SPDYE6: variants seen among roughly 807,000 people sequenced by gnomAD.
SPDYE6 encodes the protein speedy/RINGO cell cycle regulator family member E6.
For synonymous variants in SPDYE6, 2 were observed against 103.0 expected (o/e 0.02, Z 5.94); for missense variants, 8 against 297.9 (o/e 0.03, Z 7.16).
intron 3 of SPDYE6, among the ~76,000 whole-genome samples, chr7:102,352,642 T>A: frequency 8.0e-6 from 1 of 124,846 alleles, no homozygotes; most frequent in Non-Finnish European, 1.8e-5. Context: ...GACAGAGTCT[T>A]GCTCTGTGGG....
Position 102,350,827 on chromosome 7 carries a change from A to G in SPDYE6, c.670-14T>C. ...AGCCAGGAGATACTGATGGAGAGAAAGGAACACAGAGAGGGAGAGGTCACA... is the reference window on the plus strand; with the variant it reads ...AGCCAGGAGATACTGATGGAGAGAAGGGAACACAGAGAGGGAGAGGTCACA... On this transcript the variant is annotated splice_polypyrimidine_tract_variant and intron_variant, in intron 4 of 7. Coordinates refer to ENST00000563237, the MANE Select transcript of SPDYE6 (RefSeq NM_001146210.4). 1.4e-6 allele frequency: 2 copies of G among 1,389,410 alleles called. 1 individual carries two copies. Among genetic ancestry groups the G allele is most frequent in the Non-Finnish European group, 1.9e-6 (2 of 1,034,632 alleles). 86.1% of individuals were successfully genotyped at this position (1,389,410 alleles called of 1,614,324 possible).
rs1554562034 is a variant in SPDYE6, at chr7:102,346,240, TAATATTTAAATAAATAAATATATTTAATA to T, written c.*998_*1026del. 3.7e-5 allele frequency among the ~76,000 whole-genome samples: 5 copies of T among 135,870 alleles called. No homozygotes were observed. In the South Asian group the frequency reaches 7.4e-4, roughly 20 times the overall value. The allele number at this position is 135,870 out of a possible 152,430, so 89.1% of individuals were successfully genotyped here. A position where few individuals can be genotyped will look rare whatever the true frequency, so the allele number is the denominator to read the frequency against. Reference sequence around the variant, plus strand: ...TTTAAAATAATATTTAATGTAAAAATAATATTTAAATAAATAAATATATTTAATAAATATTTAAATAAATAAAATAATAT... The same window carrying T: ...TTTAAAATAATATTTAATGTAAAAATAATATTTAAATAAATAAAATAATAT... On this transcript the variant is annotated 3_prime_UTR_variant, in exon 8 of 8. Coordinates refer to ENST00000563237, the MANE Select transcript of SPDYE6 (RefSeq NM_001146210.4).
At chr7:102,352,396 C>T (rs1328202146) in intron 3 of SPDYE6, among the ~76,000 whole-genome samples, 7 of 145,598 alleles carry the variant, frequency 4.8e-5, no homozygotes, top group African/African-American at 1.0e-4. Context: ...CCAGCAGACA[C>T]GGAGGGACCA....
chr7:102,353,641 T>TG (rs1794608006), intron 2 of SPDYE6, among the ~76,000 whole-genome samples: 2 of 99,988 alleles, frequency 2.0e-5, no homozygotes, highest in Non-Finnish European at 2.4e-5. Context: ...GAGTCCCTTT[T>TG]TTTTTTTTTT....
chr7:102,353,647 T>TG (rs1413329967), intron 2 of SPDYE6, among the ~76,000 whole-genome samples: 2 of 150,210 alleles, frequency 1.3e-5, no homozygotes, highest in African/African-American at 4.9e-5. Context: ...CTTTTTTTTT[T>TG]TTTTTTTTTC....
At chr7:102,351,573 A>C (rs530897815) in intron 4 of SPDYE6, among the ~76,000 whole-genome samples, 1 of 84,338 alleles carries the variant, frequency 1.2e-5, no homozygotes, top group South Asian at 3.5e-4. Context: ...ACTCTGTCTC[A>C]CAAAAAAAAA....
chr7:102,351,441 G>A (rs1347021849), intron 4 of SPDYE6, among the ~76,000 whole-genome samples: 3 of 50,010 alleles, frequency 6.0e-5, no homozygotes, highest in African/African-American at 3.0e-4. Context: ...TGAGCATGGT[G>A]GCATGTGCCT....
Sources: allele counts gnomAD v4.1 joint callset (sites outside exome capture counted in the v4.1 genomes callset), GRCh38; gene constraint gnomAD v4.1.1; transcripts MANE v1.5; gene names NCBI Gene and HGNC (gene_info 2026-07-23, HGNC 2026-07-21).